The following CSRNP3 variants were observed in gnomAD, a reference collection of about 807,000 sequenced individuals.
CSRNP3 encodes cysteine and serine rich nuclear protein 3.
In CSRNP3, 12 loss-of-function variants were observed where a neutral mutation model predicts 48.0. The observed-to-expected ratio is 0.25, with a 90% CI of 0.16 to 0.41. The LOEUF (loss-of-function observed/expected upper bound fraction) is 0.41, where lower values mean the gene tolerates loss of function less well. Ranked by LOEUF, CSRNP3 falls within the 10% of genes least tolerant of loss-of-function variation. The pLI is 1.00. For synonymous variants in CSRNP3, 263 were observed against 269.7 expected, an observed-to-expected ratio of 0.98 and a Z score of 0.24; for missense variants, 580 against 724.4, an observed-to-expected ratio of 0.80 and a Z score of 2.29.
intron 4 of CSRNP3, among the ~76,000 whole-genome samples, chr2:165,631,417 C>T (rs919340787): frequency 6.6e-6 from 1 of 152,118 alleles, no homozygotes; most frequent in Admixed American, 6.6e-5. Flanking sequence ...GGAACAAGAC[C>T]GATATACAAG....
intron 3 of CSRNP3, among the ~76,000 whole-genome samples, chr2:165,569,031 T>A (rs879465346): frequency 6.6e-5 from 10 of 152,134 alleles, no homozygotes; most frequent in South Asian, 2.1e-4. Flanking sequence ...CACATTTTTT[T>A]AATTTTAAGC....
At chr2:165,653,700 A>G (rs1686953789) in intron 4 of CSRNP3, among the ~76,000 whole-genome samples, 1 of 152,078 alleles carries the variant, frequency 6.6e-6, no homozygotes. Flanking sequence ...GGCTGGGCAC[A>G]GTGGCTCACA....
chr2:165,476,200 G>A (rs984202245), intron 1 of CSRNP3, among the ~76,000 whole-genome samples: 2 of 152,018 alleles, frequency 1.3e-5, no homozygotes, highest in African/African-American at 4.8e-5. Context: ...GCTGCTCTGG[G>A]CTCACTTTCT....
chr2:165,536,654 A>G (rs1684885905), intron 3 of CSRNP3, among the ~76,000 whole-genome samples: 2 of 151,878 alleles, frequency 1.3e-5, no homozygotes, highest in South Asian at 2.1e-4. Flanking sequence ...CTTCAACTCA[A>G]TGCAGTGAAT....
At chr2:165,478,014 A>G (rs1683988172) in intron 1 of CSRNP3, among the ~76,000 whole-genome samples, 1 of 151,812 alleles carries the variant, frequency 6.6e-6, no homozygotes, top group African/African-American at 2.4e-5. Flanking sequence ...GAAGGAAGAA[A>G]GAAAGAAGAG....
chr2:165,603,147 G>A (rs570000713), intron 4 of CSRNP3, among the ~76,000 whole-genome samples: 15 of 151,926 alleles, frequency 9.9e-5, no homozygotes, highest in African/African-American at 2.4e-4. Flanking sequence ...CGCCCGCCTC[G>A]GCCTCCCAAA....
At chr2:165,544,958 A>C (rs1359665790) in intron 3 of CSRNP3, among the ~76,000 whole-genome samples, 2 of 152,210 alleles carry the variant, frequency 1.3e-5, no homozygotes, top group Admixed American at 1.3e-4. Context: ...CCAGCAAAAG[A>C]GAAAGAGAAG....
intron 4 of CSRNP3, among the ~76,000 whole-genome samples, chr2:165,656,024 A>T (rs1686999062): frequency 6.6e-6 from 1 of 152,240 alleles, no homozygotes; most frequent in Admixed American, 6.5e-5. Flanking sequence ...AACCCCTAAT[A>T]GAAAAGCAGA....
At chr2:165,570,326 G>C (rs1334213062) in intron 3 of CSRNP3, among the ~76,000 whole-genome samples, 5 of 151,894 alleles carry the variant, frequency 3.3e-5, no homozygotes, top group African/African-American at 1.2e-4. Context: ...ATACACTATA[G>C]ACTTCCCATT....
intron 5 of CSRNP3, among the ~76,000 whole-genome samples, chr2:165,660,325 A>T (rs182245041): frequency 6.6e-6 from 1 of 152,360 alleles, no homozygotes; most frequent in African/African-American, 2.4e-5. Flanking sequence ...CATGTTTACA[A>T]CTGAGAAATA....
At chr2:165,604,273 A>T (rs941927691) in intron 4 of CSRNP3, among the ~76,000 whole-genome samples, 1 of 152,210 alleles carries the variant, frequency 6.6e-6, no homozygotes, top group Non-Finnish European at 1.5e-5. Flanking sequence ...CTTGGGATTT[A>T]TAGAACTTAA....
intron 4 of CSRNP3, among the ~76,000 whole-genome samples, chr2:165,650,931 T>C (rs1686892658): frequency 6.6e-6 from 1 of 152,260 alleles, no homozygotes; most frequent in Non-Finnish European, 1.5e-5. Context: ...AACATGAAAC[T>C]AGACCATAAA....
chr2:165,687,554 A>G lies in CSRNP3; in HGVS notation c.*7801A>G, dbSNP rs563532265. 6.6e-6 allele frequency: 1 copy of G among 150,398 alleles called. No homozygotes were observed. Among genetic ancestry groups the G allele is most frequent in the South Asian group, 2.1e-4 (1 of 4,820 alleles). The allele number at this position is 150,398 out of a possible 1,614,324, so 9.3% of individuals were successfully genotyped here. A position where few individuals can be genotyped will look rare whatever the true frequency, so the allele number is the denominator to read the frequency against. On this transcript the variant is annotated 3_prime_UTR_variant, in exon 7 of 7. Transcript: ENST00000651982. ...GCTTAAAATGACAAATAAGAATCCA[A>G]AGTTTTTCCACTCCTCCTGTGGGAG...
intron 3 of CSRNP3, among the ~76,000 whole-genome samples, chr2:165,560,953 A>G (rs1490721998): frequency 6.6e-6 from 1 of 152,148 alleles, no homozygotes; most frequent in African/African-American, 2.4e-5. Flanking sequence ...AAAAAATGCT[A>G]TTACTTTTAT....
intron 3 of CSRNP3, among the ~76,000 whole-genome samples, chr2:165,550,130 T>C (rs1193257690): frequency 6.6e-6 from 1 of 152,166 alleles, no homozygotes; most frequent in Non-Finnish European, 1.5e-5. Flanking sequence ...CTGATCATTG[T>C]TAATGATTTG....
intron 3 of CSRNP3, among the ~76,000 whole-genome samples, chr2:165,544,376 C>A (rs923650849): frequency 6.6e-6 from 1 of 151,984 alleles, no homozygotes; most frequent in Non-Finnish European, 1.5e-5. Flanking sequence ...AGCCAGTGGA[C>A]CTAGTTATAT....
At chr2:165,613,375 T>C (rs569717223) in intron 4 of CSRNP3, among the ~76,000 whole-genome samples, 16 of 152,258 alleles carry the variant, frequency 1.1e-4, no homozygotes, top group African/African-American at 3.4e-4. Context: ...ATTGTTTCCT[T>C]TGTTGTGCAC....
At position 165,592,050 on chromosome 2, in the gene CSRNP3, G is replaced by A. The variant is rs923364264; in HGVS notation, c.-23-2993G>A. Among the ~76,000 whole-genome samples, 4 of 152,318 alleles carry A rather than the reference G, an allele frequency of 2.6e-5. No homozygotes were observed. In the East Asian group the frequency reaches 5.8e-4, roughly 22 times the overall value. On this transcript the variant is annotated intron_variant, in intron 3 of 6. Transcript: ENST00000651982. ...TCAGCCCGTAAAAGCAGCCAGGAGG[G>A]GAGCTGTACCCTGCAAAGCCACAGG...
intron 3 of CSRNP3, among the ~76,000 whole-genome samples, chr2:165,541,993 A>C (rs1489331279): frequency 6.6e-6 from 1 of 151,972 alleles, no homozygotes; most frequent in Middle Eastern, 3.2e-3. Flanking sequence ...AGAAATTGAA[A>C]CTCTGTTCAC....
Sources: gnomAD v4.1 joint callset for allele counts (sites outside exome capture counted in the v4.1 genomes callset) on GRCh38, gnomAD v4.1.1 for gene constraint, MANE v1.5 for transcripts, NCBI Gene and HGNC (gene_info 2026-07-23, HGNC 2026-07-21) for gene names.